The following PLCXD3 variants were observed in gnomAD, a reference collection of about 807,000 sequenced individuals.
PLCXD3 encodes phosphatidylinositol specific phospholipase C X domain containing 3.
PLCXD3 carries 19 observed loss-of-function variants against 25.5 expected under a neutral mutation model. That is an observed-to-expected ratio of 0.75 (90% CI 0.52 to 1.09). The LOEUF is 1.09. Ranked by LOEUF, PLCXD3 falls within the 50% of genes least tolerant of loss-of-function variation. The probability of loss-of-function intolerance (pLI) is 0.00; values close to 1 mark genes in which losing one functional copy is unlikely to be tolerated. For synonymous variants in PLCXD3, 174 were observed against 137.6 expected (o/e 1.26, Z -1.85); for missense variants, 411 against 388.1 (o/e 1.06, Z -0.50).
intron 1 of PLCXD3, among the ~76,000 whole-genome samples, chr5:41,479,729 A>G (rs180920940): frequency 5.0e-5 from 7 of 138,632 alleles, no homozygotes; most frequent in East Asian, 2.1e-4. Context: ...GAGAGAGAGA[A>G]AGAGAGAGAG....
chr5:41,328,864 A>C (rs1743708316), intron 2 of PLCXD3, among the ~76,000 whole-genome samples: 1 of 152,208 alleles, frequency 6.6e-6, no homozygotes, highest in Non-Finnish European at 1.5e-5. Context: ...TATTGAGTTC[A>C]GTAACCTGCA....
intron 1 of PLCXD3, among the ~76,000 whole-genome samples, chr5:41,410,291 C>A (rs577362134): frequency 1.3e-5 from 2 of 151,944 alleles, no homozygotes; most frequent in African/African-American, 4.8e-5. Context: ...AGGCGTGCGC[C>A]CCCACGCCTG....
intron 1 of PLCXD3, among the ~76,000 whole-genome samples, chr5:41,436,447 T>C (rs1438163887): frequency 6.6e-6 from 1 of 152,154 alleles, no homozygotes; most frequent in Non-Finnish European, 1.5e-5. Flanking sequence ...AAAATAGTTA[T>C]ATTATACCCA....
intron 2 of PLCXD3, among the ~76,000 whole-genome samples, chr5:41,350,249 G>A (rs1224696369): frequency 6.6e-6 from 1 of 152,048 alleles, no homozygotes; most frequent in African/African-American, 2.4e-5. Context: ...AAACGAATGA[G>A]GCATATTTGA....
intron 2 of PLCXD3, among the ~76,000 whole-genome samples, chr5:41,353,265 T>C (rs1464007994): frequency 6.8e-6 from 1 of 146,666 alleles, no homozygotes; most frequent in Non-Finnish European, 1.5e-5. Flanking sequence ...GCTAATTTTC[T>C]GTATTTTTTT....
intron 2 of PLCXD3, among the ~76,000 whole-genome samples, chr5:41,322,522 C>T (rs757404854): frequency 6.6e-5 from 10 of 152,138 alleles, no homozygotes; most frequent in Non-Finnish European, 1.3e-4. Flanking sequence ...AACTGAAAAT[C>T]GAGCTACCAA....
At chr5:41,318,253 A>T (rs542340299) in intron 2 of PLCXD3, among the ~76,000 whole-genome samples, 1 of 152,338 alleles carries the variant, frequency 6.6e-6, no homozygotes, top group South Asian at 2.1e-4. Context: ...AGAAGGTACA[A>T]AACTTACTGG....
intron 1 of PLCXD3, among the ~76,000 whole-genome samples, chr5:41,416,001 G>A (rs1479580594): frequency 6.6e-6 from 1 of 152,196 alleles, no homozygotes; most frequent in Non-Finnish European, 1.5e-5. Flanking sequence ...AAACTGGAAG[G>A]AGAGGGCTAT....
At chr5:41,429,636 G>T (rs1747045070) in intron 1 of PLCXD3, among the ~76,000 whole-genome samples, 1 of 151,924 alleles carries the variant, frequency 6.6e-6, no homozygotes, top group African/African-American at 2.4e-5. Context: ...AGGCACAGTT[G>T]GTTTATTGGA....
intron 1 of PLCXD3, among the ~76,000 whole-genome samples, chr5:41,412,775 C>T (rs564215813): frequency 2.3e-4 from 35 of 152,176 alleles, no homozygotes; most frequent in Non-Finnish European, 4.6e-4. Context: ...GCTAAAAGGA[C>T]TTGATATTGT....
intron 1 of PLCXD3, among the ~76,000 whole-genome samples, chr5:41,393,569 C>T (rs1258638482): frequency 6.6e-6 from 1 of 152,030 alleles, no homozygotes; most frequent in Non-Finnish European, 1.5e-5. Flanking sequence ...ATTAAAAAGT[C>T]CTTCAAACAG....
At chr5:41,483,237 G>A (rs752765696) in intron 1 of PLCXD3, among the ~76,000 whole-genome samples, 20 of 152,172 alleles carry the variant, frequency 1.3e-4, no homozygotes, top group Non-Finnish European at 2.5e-4. Flanking sequence ...GAAGCACAAA[G>A]TTTACAGTAG....
chr5:41,426,560 AAT>A (rs1470302555), intron 1 of PLCXD3, among the ~76,000 whole-genome samples: 1 of 152,056 alleles, frequency 6.6e-6, no homozygotes, highest in Non-Finnish European at 1.5e-5. Flanking sequence ...GTCTAAATAT[AAT>A]GTTTTTACCC....
At chr5:41,451,339 G>A (rs318076) in intron 1 of PLCXD3, among the ~76,000 whole-genome samples, 132,231 of 152,036 alleles carry the variant, frequency 0.87, 57,801 homozygotes, top group Middle Eastern at 0.9. Context: ...TCATAAGATG[G>A]TATTTGAGGA....
intron 2 of PLCXD3, among the ~76,000 whole-genome samples, chr5:41,358,507 T>C (rs1291962365): frequency 6.6e-6 from 1 of 152,162 alleles, no homozygotes; most frequent in Admixed American, 6.5e-5. Flanking sequence ...TCTTATGCCT[T>C]TGCATCCTCA....
chr5:41,396,430 T>C (rs1369363447), intron 1 of PLCXD3, among the ~76,000 whole-genome samples: 5 of 152,312 alleles, frequency 3.3e-5, no homozygotes, highest in Admixed American at 2.0e-4. Context: ...ATGCTTCATT[T>C]ACAGCATGTG....
At chr5:41,360,196 G>GT (rs1437785098) in intron 2 of PLCXD3, among the ~76,000 whole-genome samples, 7 of 151,996 alleles carry the variant, frequency 4.6e-5, no homozygotes, top group Admixed American at 1.3e-4. Context: ...AATTGTGATT[G>GT]TTTTTTATTT....
chr5:41,317,502 C>T (rs1743336340), intron 2 of PLCXD3, among the ~76,000 whole-genome samples: 1 of 152,132 alleles, frequency 6.6e-6, no homozygotes. Context: ...AAGGTGACCT[C>T]ACCATATGAA....
chr5:41,467,296 A>G (rs1561282007), intron 1 of PLCXD3, among the ~76,000 whole-genome samples: 1 of 152,120 alleles, frequency 6.6e-6, no homozygotes, highest in Non-Finnish European at 1.5e-5. Flanking sequence ...AATTTCCTGA[A>G]TGATTAGTGA....
Sources: gnomAD v4.1 joint callset for allele counts (sites outside exome capture counted in the v4.1 genomes callset) on GRCh38, gnomAD v4.1.1 for gene constraint, MANE v1.5 for transcripts, NCBI Gene and HGNC (gene_info 2026-07-23, HGNC 2026-07-21) for gene names.